The following CDH18 variants were observed in gnomAD, a reference collection of about 807,000 sequenced individuals.
The protein encoded by CDH18 is cadherin 18.
In CDH18, 31 loss-of-function variants were observed where a neutral mutation model predicts 67.9. The observed-to-expected ratio is 0.46, with a 90% CI of 0.34 to 0.62. CDH18 has a LOEUF of 0.62. Among genes scored for constraint, CDH18 ranks in the 20% least tolerant of loss-of-function variants. The pLI is 0.01. For missense variants in CDH18, 890 were observed against 975.5 expected (o/e 0.91, Z 1.17); for synonymous variants, 362 against 347.2 (o/e 1.04, Z -0.48).
At chr5:19,587,453 GA>G (rs1264562201) in intron 7 of CDH18, among the ~76,000 whole-genome samples, 2 of 152,072 alleles carry the variant, frequency 1.3e-5, no homozygotes, top group Non-Finnish European at 2.9e-5. Flanking sequence ...AATGCATGTT[GA>G]ATTGATTTTT....
chr5:20,413,668 T>C (rs111547331), intron 1 of CDH18, among the ~76,000 whole-genome samples: 1,732 of 152,324 alleles, frequency 0.011, 32 homozygotes, highest in African/African-American at 0.04. Context: ...TGTTTGATTT[T>C]TTCTTGTAAA....
intron 1 of CDH18, among the ~76,000 whole-genome samples, chr5:20,290,752 G>A (rs1747044712): frequency 6.6e-6 from 1 of 152,124 alleles, no homozygotes; most frequent in African/African-American, 2.4e-5. Context: ...AAACAGAATA[G>A]TAGCTCAGGA....
chr5:19,683,805 A>T (rs1290349917), intron 5 of CDH18, among the ~76,000 whole-genome samples: 5 of 152,062 alleles, frequency 3.3e-5, no homozygotes, highest in African/African-American at 9.7e-5. Flanking sequence ...ACATTCTTTA[A>T]TCTTCCTCTG....
intron 2 of CDH18, among the ~76,000 whole-genome samples, chr5:19,926,613 A>C (rs6880709): frequency 6.6e-6 from 1 of 152,102 alleles, no homozygotes; most frequent in African/African-American, 2.4e-5. Flanking sequence ...CTTTCTAACT[A>C]AATAATGTAA....
At chr5:19,585,869 A>T (rs1452942475) in intron 7 of CDH18, among the ~76,000 whole-genome samples, 2 of 152,164 alleles carry the variant, frequency 1.3e-5, no homozygotes, top group Non-Finnish European at 2.9e-5. Context: ...TGTAGCAAAG[A>T]ATAATCACAT....
At chr5:19,836,445 T>C (rs1241235318) in intron 3 of CDH18, among the ~76,000 whole-genome samples, 1 of 152,218 alleles carries the variant, frequency 6.6e-6, no homozygotes, top group Non-Finnish European at 1.5e-5. Context: ...TTCATATGTT[T>C]GTTGGCTGCA....
intron 2 of CDH18, among the ~76,000 whole-genome samples, chr5:20,114,726 A>G (rs1747747577): frequency 6.6e-6 from 1 of 152,168 alleles, no homozygotes; most frequent in Non-Finnish European, 1.5e-5. Flanking sequence ...GGAAATTCAG[A>G]AGGAAGCCAG....
chr5:20,312,819 A>G lies in CDH18; in HGVS notation c.-579-57314T>C, dbSNP rs923679146. 2.6e-5 allele frequency among the ~76,000 whole-genome samples: 4 copies of G among 152,186 alleles called. No homozygotes were observed. The East Asian group carries it at 7.7e-4, about 29-fold the overall frequency. ...TCCTCTTTTTATTACCCAAATCTGA[A>G]GGCTATTCACCATAGTTTTTCCTGT... On this transcript the variant is annotated intron_variant, in intron 1 of 14. Coordinates refer to the CDH18 transcript ENST00000507958.
chr5:20,030,899 T>C (rs1405452714), intron 2 of CDH18, among the ~76,000 whole-genome samples: 1 of 152,152 alleles, frequency 6.6e-6, no homozygotes, highest in African/African-American at 2.4e-5. Context: ...AATATAACCA[T>C]GTTTGCTCTG....
At chr5:19,632,445 C>T (rs1195795512) in intron 5 of CDH18, among the ~76,000 whole-genome samples, 1 of 152,200 alleles carries the variant, frequency 6.6e-6, no homozygotes, top group Non-Finnish European at 1.5e-5. Flanking sequence ...CACTTTCTTA[C>T]CCAAATGTAC....
chr5:19,922,248 C>T (rs575092577), intron 2 of CDH18, among the ~76,000 whole-genome samples: 1 of 152,018 alleles, frequency 6.6e-6, no homozygotes, highest in Non-Finnish European at 1.5e-5. Flanking sequence ...TAAACTAAAC[C>T]ATTTCTTGTG....
chr5:20,428,325 T>G (rs1009309954), intron 1 of CDH18, among the ~76,000 whole-genome samples: 2 of 151,984 alleles, frequency 1.3e-5, no homozygotes, highest in African/African-American at 4.8e-5. Flanking sequence ...TGTGCCACGT[T>G]TTCTTTATCC....
At chr5:19,590,479 CAGATGGAT>C (rs986554724) in intron 7 of CDH18, among the ~76,000 whole-genome samples, 13 of 90,904 alleles carry the variant, frequency 1.4e-4, no homozygotes, top group Admixed American at 1.1e-4. Context: ...AGTAGCTAGA[CAGATGGAT>C]AGATAGATAG....
intron 2 of CDH18, among the ~76,000 whole-genome samples, chr5:20,104,143 A>G (rs181145326): frequency 6.6e-6 from 1 of 151,300 alleles, no homozygotes; most frequent in Admixed American, 6.6e-5. Flanking sequence ...GGCTATTAAT[A>G]TAGATATAGA....
At chr5:19,571,457 T>C in intron 8 of CDH18, 122 bp downstream of exon 8, 1 of 882,654 alleles carries the variant, frequency 1.1e-6, no homozygotes. Context: ...TATTATAATT[T>C]AATTATATTC....
chr5:20,566,526 A>ATTT lies in CDH18; in HGVS notation c.-580+8933_-580+8935dup, dbSNP rs33950954. Among the ~76,000 whole-genome samples the ATTT allele has an allele frequency of 7.2e-4, 70 of 97,362 alleles. 2 individuals are homozygous for ATTT. The highest frequency in any genetic ancestry group is 2.2e-3 in the African/African-American group (53 of 24,642). 63.9% of individuals were successfully genotyped at this position (97,362 alleles called of 152,430 possible). A position where few individuals can be genotyped will look rare whatever the true frequency, so the allele number is the denominator to read the frequency against. ...AGGTTCGCGCCACCATGCCCAGCTA[A>ATTT]TTTTTTTTTTTTTTTTTTTTTTGTA... On this transcript the variant is annotated intron_variant, in intron 1 of 14. Transcript: ENST00000507958.
chr5:19,600,213 G>A (rs181570009), intron 6 of CDH18, among the ~76,000 whole-genome samples: 2 of 136,406 alleles, frequency 1.5e-5, no homozygotes, highest in African/African-American at 2.7e-5. Flanking sequence ...GGTGGGGGAG[G>A]GGGGAGGGAT....
chr5:20,284,872 T>C (rs931433835), intron 1 of CDH18, among the ~76,000 whole-genome samples: 1 of 151,908 alleles, frequency 6.6e-6, no homozygotes, highest in Non-Finnish European at 1.5e-5. Context: ...AGCCATAGTG[T>C]AGAAGGTTAA....
chr5:20,506,296 G>A (rs914808154), intron 1 of CDH18, among the ~76,000 whole-genome samples: 8 of 152,168 alleles, frequency 5.3e-5, no homozygotes, highest in African/African-American at 1.9e-4. Flanking sequence ...CATGTGGGGT[G>A]CATGATGCAC....
Sources: allele counts gnomAD v4.1 joint callset (sites outside exome capture counted in the v4.1 genomes callset), GRCh38; gene constraint gnomAD v4.1.1; transcripts MANE v1.5; gene names NCBI Gene and HGNC (gene_info 2026-07-23, HGNC 2026-07-21).